Variants in ARL15 observed in about 807,000 individuals in gnomAD.
The protein encoded by ARL15 is ADP-ribosylation factor-like protein 15.
ARL15 carries 19 observed loss-of-function variants against 25.2 expected under a neutral mutation model. The ratio of observed to expected loss-of-function variants is 0.75; its 90% CI spans 0.53 to 1.10. ARL15 has a LOEUF of 1.10. Ranked by LOEUF, ARL15 falls within the 50% of genes least tolerant of loss-of-function variation. The pLI is 0.00. For missense variants in ARL15, 220 were observed against 246.0 expected (o/e 0.89, Z 0.71); for synonymous variants, 94 against 86.8 (o/e 1.08, Z -0.46).
intron 3 of ARL15, among the ~76,000 whole-genome samples, chr5:54,150,129 C>T (rs1434202592): frequency 6.6e-6 from 1 of 152,158 alleles, no homozygotes; most frequent in Non-Finnish European, 1.5e-5. Context: ...AGGAACAGTG[C>T]TTGTTTTGAC....
In ARL15 at chr5:53,884,956, T is replaced by G. The variant is rs1744470519; in HGVS notation, c.*1605A>C. On this transcript the variant is annotated 3_prime_UTR_variant, in exon 5 of 5. Transcript: ENST00000504924. The stretch of plus-strand genomic sequence containing the variant: ...TTGTATACGAATCACTATGTATCCT[T>G]CCTGATTCATGACATTAAAAAAAAA... 1 of 152,490 alleles carries G rather than the reference T, an allele frequency of 6.6e-6. No individual in the cohort carries two copies. The highest frequency in any genetic ancestry group is 2.1e-4 in the South Asian group (1 of 4,822). The allele number at this position is 152,490 out of a possible 1,614,324, so 9.4% of individuals were successfully genotyped here. A position where few individuals can be genotyped will look rare whatever the true frequency, so the allele number is the denominator to read the frequency against.
chr5:53,917,788 T>A (rs36026821), intron 4 of ARL15, among the ~76,000 whole-genome samples: 1 of 152,162 alleles, frequency 6.6e-6, no homozygotes, highest in African/African-American at 2.4e-5. Flanking sequence ...TAATCCCTCA[T>A]CTATCAAACT....
intron 4 of ARL15, among the ~76,000 whole-genome samples, chr5:54,039,953 C>T (rs1474653082): frequency 5.3e-5 from 8 of 151,848 alleles, no homozygotes; most frequent in East Asian, 3.9e-4. Flanking sequence ...ACAATGTGTA[C>T]GTAAAATTAT....
intron 4 of ARL15, among the ~76,000 whole-genome samples, chr5:54,092,047 A>AACACACACACACAC (rs758037549): frequency 0.014 from 2,105 of 146,274 alleles, 46 homozygotes; most frequent in African/African-American, 0.047. Context: ...TCAAATTGAA[A>AACACACACACACAC]ACACACACAC....
At chr5:54,302,263 A>G (rs752465785) in intron 1 of ARL15, among the ~76,000 whole-genome samples, 24 of 152,338 alleles carry the variant, frequency 1.6e-4, no homozygotes, top group Non-Finnish European at 3.2e-4. Flanking sequence ...ATAATAGTTA[A>G]GCAGCACCGA....
chr5:54,308,378 G>A (rs1024216888), intron 1 of ARL15, among the ~76,000 whole-genome samples: 2 of 150,938 alleles, frequency 1.3e-5, no homozygotes, highest in Non-Finnish European at 2.9e-5. Flanking sequence ...AATTTTAGAT[G>A]GATAAAGTGG....
intron 1 of ARL15, among the ~76,000 whole-genome samples, chr5:54,299,880 C>A (rs1472426864): frequency 6.6e-6 from 1 of 152,148 alleles, no homozygotes; most frequent in East Asian, 1.9e-4. Flanking sequence ...AGCCACCGCA[C>A]CTGGCCCTAG....
rs1422402273 is a variant in ARL15 at position 54,226,978 on chromosome 5, C to A, written c.49-55050G>T. On this transcript the variant is annotated intron_variant, in intron 1 of 4. Coordinates refer to ENST00000504924, the MANE Select transcript of ARL15 (RefSeq NM_019087.3). ...GGGATTTCCCCTTTCACTTGTCTCT[C>A]AATTCTCTCTTGCCTGCCGCTATGT... Among the ~76,000 whole-genome samples, 4 of 152,152 alleles carry A rather than the reference C, an allele frequency of 2.6e-5. No individual in the cohort carries two copies. The East Asian group carries it at 7.7e-4, about 29-fold the overall frequency.
chr5:54,210,989 C>T (rs569725003), intron 1 of ARL15, among the ~76,000 whole-genome samples: 16 of 152,254 alleles, frequency 1.1e-4, no homozygotes, highest in Admixed American at 7.2e-4. Flanking sequence ...TGAAAATACA[C>T]ATATTTTAAT....
At chr5:54,100,467 T>C (rs950218424) in intron 4 of ARL15, among the ~76,000 whole-genome samples, 16 of 152,058 alleles carry the variant, frequency 1.1e-4, no homozygotes, top group Non-Finnish European at 2.2e-4. Context: ...TACTTACCTA[T>C]ATGTTTGAAA....
At chr5:53,926,820 G>T (rs1434994349) in intron 4 of ARL15, among the ~76,000 whole-genome samples, 6 of 151,926 alleles carry the variant, frequency 3.9e-5, no homozygotes, top group Admixed American at 1.3e-4. Flanking sequence ...GTTTCCAAAG[G>T]AAGTTGTTCA....
At chr5:53,971,300 C>A (rs1747742073) in intron 4 of ARL15, among the ~76,000 whole-genome samples, 2 of 152,126 alleles carry the variant, frequency 1.3e-5, no homozygotes, top group Non-Finnish European at 2.9e-5. Flanking sequence ...GATGTTGATT[C>A]TCCTTGGGAA....
chr5:54,069,758 C>T (rs1185050840), intron 4 of ARL15, among the ~76,000 whole-genome samples: 2 of 151,626 alleles, frequency 1.3e-5, no homozygotes, highest in East Asian at 2.0e-4. Context: ...AGCAATTCTC[C>T]TGCCTCCTGG....
chr5:54,212,126 A>G (rs963107595), intron 1 of ARL15, among the ~76,000 whole-genome samples: 7 of 152,186 alleles, frequency 4.6e-5, no homozygotes, highest in Non-Finnish European at 1.0e-4. Context: ...CTGTCATAGC[A>G]TGAAGGCAGC....
At chr5:54,127,626 T>G (rs1472689219) in intron 3 of ARL15, among the ~76,000 whole-genome samples, 1 of 151,848 alleles carries the variant, frequency 6.6e-6, no homozygotes, top group Admixed American at 6.6e-5. Flanking sequence ...GCCATCCCCA[T>G]CAAGCTACCA....
intron 3 of ARL15, among the ~76,000 whole-genome samples, chr5:54,135,822 A>G (rs937222801): frequency 6.6e-6 from 1 of 152,202 alleles, no homozygotes; most frequent in Non-Finnish European, 1.5e-5. Context: ...CTTTTATGAG[A>G]TAAAAACTGC....
At chr5:54,144,122 AT>A (rs1460785892) in intron 3 of ARL15, among the ~76,000 whole-genome samples, 1 of 151,870 alleles carries the variant, frequency 6.6e-6, no homozygotes, top group Non-Finnish European at 1.5e-5. Flanking sequence ...TTAATAGTTT[AT>A]TTTTGTTTAT....
intron 4 of ARL15, among the ~76,000 whole-genome samples, chr5:54,022,163 G>T (rs1212013730): frequency 6.6e-6 from 1 of 152,128 alleles, no homozygotes; most frequent in Non-Finnish European, 1.5e-5. Flanking sequence ...AAATGGAAGA[G>T]AAATGATAAA....
intron 1 of ARL15, among the ~76,000 whole-genome samples, chr5:54,181,722 C>A (rs9968611): frequency 6.6e-6 from 1 of 152,110 alleles, no homozygotes; most frequent in South Asian, 2.1e-4. Flanking sequence ...TCACTTGAGG[C>A]TAGGAGTTTG....
Sources: gnomAD v4.1 joint callset for allele counts (sites outside exome capture counted in the v4.1 genomes callset) on GRCh38, gnomAD v4.1.1 for gene constraint, MANE v1.5 for transcripts, NCBI Gene and HGNC (gene_info 2026-07-23, HGNC 2026-07-21) for gene names.